The following ASF1A variants were observed in gnomAD, a reference collection of about 807,000 sequenced individuals.
The protein encoded by ASF1A is histone chaperone ASF1A.
A neutral mutation model predicts 22.0 loss-of-function variants in ASF1A; 5 were observed. The ratio of observed to expected loss-of-function variants is 0.23; its 90% CI spans 0.12 to 0.48. The LOEUF (loss-of-function observed/expected upper bound fraction) is 0.48, where lower values mean the gene tolerates loss of function less well. ASF1A is among the 20% of genes least tolerant of loss of function. The pLI, the probability that ASF1A is intolerant of heterozygous loss-of-function variation, is 0.99. For synonymous variants in ASF1A, 97 were observed against 86.7 expected, an observed-to-expected ratio of 1.12 and a Z score of -0.66; for missense variants, 137 against 240.6, an observed-to-expected ratio of 0.57 and a Z score of 2.85.
At chr6:118,900,968 C>A in intron 2 of ASF1A, 87 bp downstream of exon 2, 1 of 969,554 alleles carries the variant, frequency 1.0e-6, no homozygotes, top group Non-Finnish European at 1.6e-6. Flanking sequence ...TATCCCTTTC[C>A]TTTTGGGTTA....
chr6:118,894,760 G>A (rs992544459), intron 1 of ASF1A, among the ~76,000 whole-genome samples: 5 of 152,046 alleles, frequency 3.3e-5, no homozygotes, highest in African/African-American at 9.7e-5. Flanking sequence ...GAGGAGCGGA[G>A]GTAGCCATGT....
rs1289619212 is a variant in ASF1A, at chr6:118,898,386, A to ATATAT, written c.110-2379_110-2375dup. On this transcript the variant is annotated intron_variant, in intron 1 of 3. Coordinates refer to ENST00000229595, the MANE Select transcript of ASF1A (RefSeq NM_014034.3). ...GGGCATTATATGTAGTGATACAATT[A>ATATAT]TATATGAAATTAAAATTCATGAAAA... 3.3e-5 allele frequency among the ~76,000 whole-genome samples: 5 copies of ATATAT among 152,060 alleles called. No homozygotes were observed. The East Asian group carries it at 9.7e-4, about 29-fold the overall frequency.
At chr6:118,906,229 C>T (rs138090462) in intron 3 of ASF1A, among the ~76,000 whole-genome samples, 4 of 152,234 alleles carry the variant, frequency 2.6e-5, no homozygotes, top group East Asian at 3.9e-4. Context: ...TATACCAACA[C>T]GCCCAGATAA....
intron 2 of ASF1A, 44 bp from the exon 3 acceptor site, chr6:118,905,607 AG>A (rs763532471): frequency 6.7e-7 from 1 of 1,484,980 alleles, no homozygotes; most frequent in Non-Finnish European, 9.1e-7. Context: ...TGCCACTAAC[AG>A]CCTTTTGTGT....
chr6:118,894,400 GTTT>G lies in ASF1A; in HGVS notation c.-9_-7del, dbSNP rs769955492. The G allele has an allele frequency of 6.5e-7, 1 of 1,536,908 alleles. No homozygotes were observed. The highest frequency in any genetic ancestry group is 8.7e-7 in the Non-Finnish European group (1 of 1,146,710). On this transcript the variant is annotated 5_prime_UTR_variant, in exon 1 of 4. Transcript: ENST00000229595. ...ACCAGCCCCAGTTCCCATTGTTTGT[GTTT>G]TTTTCAAAATATGGCAAAGGTTCAG...
intron 1 of ASF1A, among the ~76,000 whole-genome samples, chr6:118,894,731 C>G (rs968653653): frequency 2.0e-5 from 3 of 152,110 alleles, no homozygotes; most frequent in African/African-American, 7.3e-5. Context: ...GCTCAACTTG[C>G]GAGGAACTTG....
At chr6:118,898,860 A>C (rs1779613870) in intron 1 of ASF1A, among the ~76,000 whole-genome samples, 1 of 152,106 alleles carries the variant, frequency 6.6e-6, no homozygotes, top group East Asian at 1.9e-4. Flanking sequence ...TTGTCCTCTT[A>C]TCTTTGGAGG....
chr6:118,895,640 C>T (rs1306861210), intron 1 of ASF1A, among the ~76,000 whole-genome samples: 6 of 152,076 alleles, frequency 3.9e-5, no homozygotes. Context: ...TTTTTAATAT[C>T]TTTAGTAATA....
At chr6:118,902,247 T>C in intron 2 of ASF1A, among the ~76,000 whole-genome samples, 1 of 152,166 alleles carries the variant, frequency 6.6e-6, no homozygotes, top group East Asian at 1.9e-4. Flanking sequence ...CATGTGTGGC[T>C]TTACCTCTCT....
chr6:118,907,283 TG>T, intron 3 of ASF1A, 118 bp from the exon 4 acceptor site: 1 of 660,026 alleles, frequency 1.5e-6, no homozygotes, highest in Non-Finnish European at 2.7e-6. Context: ...ATTATACCTT[TG>T]TATATGAACT....
chr6:118,899,528 T>TCAGATGCAG (rs1008183712), intron 1 of ASF1A, among the ~76,000 whole-genome samples: 2 of 152,170 alleles, frequency 1.3e-5, no homozygotes, highest in African/African-American at 2.4e-5. Flanking sequence ...TCAGGAGATG[T>TCAGATGCAG]CAGATGCAGC....
At chr6:118,898,263 G>A (rs1170903987) in intron 1 of ASF1A, among the ~76,000 whole-genome samples, 1 of 152,090 alleles carries the variant, frequency 6.6e-6, no homozygotes, top group East Asian at 1.9e-4. Flanking sequence ...TAGAACTAAT[G>A]CCCAGTATAT....
chr6:118,906,728 G>A (rs1780203038), intron 3 of ASF1A, among the ~76,000 whole-genome samples: 1 of 152,186 alleles, frequency 6.6e-6, no homozygotes, highest in South Asian at 2.1e-4. Flanking sequence ...AGTATTTTCT[G>A]ATTTTTCACT....
chr6:118,895,703 A>T (rs1381446049), intron 1 of ASF1A, among the ~76,000 whole-genome samples: 1 of 152,220 alleles, frequency 6.6e-6, no homozygotes, highest in Non-Finnish European at 1.5e-5. Context: ...ATCTTTTACT[A>T]AAGTAATTCA....
intron 1 of ASF1A, among the ~76,000 whole-genome samples, chr6:118,898,791 G>A (rs1470466841): frequency 6.6e-6 from 1 of 152,120 alleles, no homozygotes; most frequent in African/African-American, 2.4e-5. Context: ...TCTTAAAACA[G>A]TTTCTTCACT....
Position 118,907,752 on chromosome 6 carries a change from C to T in ASF1A, c.*138C>T, listed in dbSNP as rs1215887474. ...ATCCTGTAGAAAGTTTATAAGAAAA[C>T]CAGTATTTGAACAAATTGTGGAATA... On this transcript the variant is annotated 3_prime_UTR_variant, in exon 4 of 4. Coordinates refer to ENST00000229595, the MANE Select transcript of ASF1A (RefSeq NM_014034.3). 8 of 642,462 alleles carry T rather than the reference C, an allele frequency of 1.2e-5. No homozygotes were observed. The highest frequency in any genetic ancestry group is 2.1e-5 in the Non-Finnish European group (8 of 384,804). 39.8% of individuals were successfully genotyped at this position (642,462 alleles called of 1,614,324 possible).
chr6:118,896,288 A>G (rs964594384), intron 1 of ASF1A, among the ~76,000 whole-genome samples: 4 of 152,110 alleles, frequency 2.6e-5, no homozygotes, highest in African/African-American at 9.7e-5. Context: ...CCAACTGCAT[A>G]TAAAAATAGA....
chr6:118,906,057 G>A (rs1780156429), intron 3 of ASF1A, among the ~76,000 whole-genome samples: 1 of 152,068 alleles, frequency 6.6e-6, no homozygotes, highest in African/African-American at 2.4e-5. Context: ...GAGCATTTCT[G>A]GTTTAGAAAA....
intron 2 of ASF1A, among the ~76,000 whole-genome samples, chr6:118,905,096 A>T (rs542427272): frequency 2.3e-3 from 348 of 152,314 alleles, no homozygotes; most frequent in African/African-American, 7.9e-3. Context: ...TTGGCCTCCC[A>T]AAGTGCTGGG....
Sources: allele counts gnomAD v4.1 joint callset (sites outside exome capture counted in the v4.1 genomes callset), GRCh38; gene constraint gnomAD v4.1.1; transcripts MANE v1.5; gene names NCBI Gene and HGNC (gene_info 2026-07-23, HGNC 2026-07-21).